Variants in TAF1B observed in about 807,000 individuals in gnomAD.
TAF1B encodes TATA box-binding protein-associated factor RNA polymerase I subunit B.
Under a neutral mutation model 83.9 loss-of-function variants are expected in TAF1B, and 61 were observed. The ratio of observed to expected loss-of-function variants is 0.73; its 90% CI spans 0.59 to 0.90. The LOEUF (loss-of-function observed/expected upper bound fraction) is 0.90, where lower values mean the gene tolerates loss of function less well. Among genes scored for constraint, TAF1B ranks in the 40% least tolerant of loss-of-function variants. The probability of loss-of-function intolerance (pLI) is 0.00; values close to 1 mark genes in which losing one functional copy is unlikely to be tolerated. For synonymous variants in TAF1B, 221 were observed against 224.6 expected, an observed-to-expected ratio of 0.98 and a Z score of 0.14; for missense variants, 625 against 677.0, an observed-to-expected ratio of 0.92 and a Z score of 0.85.
chr2:9,867,917 A>G (rs1486484905), intron 5 of TAF1B, among the ~76,000 whole-genome samples: 5 of 152,044 alleles, frequency 3.3e-5, no homozygotes, highest in African/African-American at 1.2e-4. Context: ...TACAAAGCAA[A>G]AATTCCCCAG....
chr2:9,911,478 T>C, intron 10 of TAF1B, 33 bp from the exon 11 acceptor site: 1 of 1,464,026 alleles, frequency 6.8e-7, no homozygotes, highest in East Asian at 2.4e-5. Flanking sequence ...ACATGACTTC[T>C]AAATAAATTG....
At position 9,866,950 on chromosome 2, in the gene TAF1B, G is replaced by A. The variant is rs149606124; in HGVS notation, c.400-1326G>A. 6.7e-3 allele frequency among the ~76,000 whole-genome samples: 1,015 copies of A among 152,168 alleles called. 18 individuals are homozygous for A. Among genetic ancestry groups the A allele is most frequent in the African/African-American group, 0.023 (935 of 41,498 alleles). On this transcript the variant is annotated intron_variant, in intron 5 of 14. Transcript: ENST00000263663. ...GGGGACTGTTGTGGGGTGGGTGGAG[G>A]GGGGAGGGATAGCATTAGGAGATAT...
intron 8 of TAF1B, among the ~76,000 whole-genome samples, chr2:9,884,713 C>T (rs977321271): frequency 1.3e-5 from 2 of 152,156 alleles, no homozygotes; most frequent in East Asian, 1.9e-4. Context: ...GTCTTCCCAG[C>T]TCTCAGCAGA....
At chr2:9,848,586 A>C (rs1213295873) in intron 2 of TAF1B, among the ~76,000 whole-genome samples, 2 of 152,094 alleles carry the variant, frequency 1.3e-5, no homozygotes, top group Non-Finnish European at 2.9e-5. Flanking sequence ...GAATTGCTTG[A>C]ACCTGGGAGG....
In TAF1B at chr2:9,857,983, T is replaced by C. The variant is rs1386019575; in HGVS notation, c.399+3562T>C. ...CCCCCTGCCAAATCTCATGTCCTTC[T>C]CACATTGCAAAATCAATCATGCCTT... On this transcript the variant is annotated intron_variant, in intron 5 of 14. Transcript: ENST00000263663. Among the ~76,000 whole-genome samples the C allele has an allele frequency of 2.6e-5, 4 of 152,092 alleles. No individual in the cohort carries two copies. The East Asian group carries it at 7.7e-4, about 29-fold the overall frequency.
intron 14 of TAF1B, among the ~76,000 whole-genome samples, chr2:9,920,579 C>CGGG (rs1004901534): frequency 5.2e-5 from 5 of 96,460 alleles, no homozygotes; most frequent in Non-Finnish European, 6.1e-5. Context: ...TAGACTGGGG[C>CGGG]GGGGGGCGGG....
Position 9,896,429 on chromosome 2 carries a change from TCCG to T in TAF1B, c.808-8428_808-8426del, listed in dbSNP as rs541905666. Among the ~76,000 whole-genome samples the T allele has an allele frequency of 3.3e-5, 5 of 152,290 alleles. No homozygotes were observed. In the East Asian group the frequency reaches 9.7e-4, roughly 29 times the overall value. On this transcript the variant is annotated intron_variant, in intron 8 of 14. Coordinates refer to ENST00000263663, the MANE Select transcript of TAF1B (RefSeq NM_005680.3). ...TCCCCCCTTCCATGCCTTAGCTTTCTCCGCTAAGTCTTGGCTTCTTCAGCAGCT... is the reference window on the plus strand; with the variant it reads ...TCCCCCCTTCCATGCCTTAGCTTTCTCTAAGTCTTGGCTTCTTCAGCAGCT...
At chr2:9,866,347 A>G (rs1663975580) in intron 5 of TAF1B, among the ~76,000 whole-genome samples, 1 of 152,218 alleles carries the variant, frequency 6.6e-6, no homozygotes, top group Non-Finnish European at 1.5e-5. Flanking sequence ...GCTCATCATC[A>G]CTGGCCATCA....
intron 5 of TAF1B, among the ~76,000 whole-genome samples, chr2:9,864,897 T>C (rs1204672684): frequency 2.0e-5 from 3 of 152,244 alleles, no homozygotes; most frequent in Non-Finnish European, 4.4e-5. Flanking sequence ...CAACGCTTCA[T>C]GTTAAAAACT....
Position 9,876,029 on chromosome 2 carries a change from C to T in TAF1B, c.707+11C>T. ...TTCAGATCTTTTGAGGTTAGCTAGA[C>T]CTCTTGTATGATAATATTTTTGCTG... is the stretch of plus-strand genomic sequence containing the variant. On this transcript the variant is annotated intron_variant, in intron 7 of 14. Coordinates refer to ENST00000263663, the MANE Select transcript of TAF1B (RefSeq NM_005680.3). The T allele has an allele frequency of 1.9e-6, 3 of 1,585,848 alleles. No homozygotes were observed. The highest frequency in any genetic ancestry group is 1.7e-6 in the Non-Finnish European group (2 of 1,159,652).
chr2:9,868,736 T>G, intron 6 of TAF1B: 1 of 531,860 alleles, frequency 1.9e-6, no homozygotes, highest in Admixed American at 2.3e-5. Context: ...GCTCAGCGTC[T>G]TCAAAGAAAA....
chr2:9,909,320 C>CAG (rs1175494145), intron 9 of TAF1B, among the ~76,000 whole-genome samples: 4 of 152,200 alleles, frequency 2.6e-5, no homozygotes, highest in Admixed American at 6.5e-5. Context: ...CTTTAGCACT[C>CAG]AGAAGAGGGC....
chr2:9,867,010 A>C (rs541026538), intron 5 of TAF1B, among the ~76,000 whole-genome samples: 1 of 152,316 alleles, frequency 6.6e-6, no homozygotes, highest in Non-Finnish European at 1.5e-5. Flanking sequence ...TGGGTGCAGC[A>C]CACCAACATG....
At chr2:9,908,978 G>A (rs979740737) in intron 9 of TAF1B, among the ~76,000 whole-genome samples, 1 of 152,176 alleles carries the variant, frequency 6.6e-6, no homozygotes, top group Non-Finnish European at 1.5e-5. Flanking sequence ...AAGAATAAAA[G>A]CCAAGTGAAA....
chr2:9,869,915 A>G (rs983955106), intron 6 of TAF1B, among the ~76,000 whole-genome samples: 3 of 152,162 alleles, frequency 2.0e-5, no homozygotes, highest in Non-Finnish European at 4.4e-5. Context: ...ATATAAAACT[A>G]TAAAATGCAG....
At position 9,857,395 on chromosome 2, in the gene TAF1B, C is replaced by T. The variant is rs142141658; in HGVS notation, c.399+2974C>T. 5.1e-4 allele frequency among the ~76,000 whole-genome samples: 78 copies of T among 152,106 alleles called. 1 individual carries two copies. The highest frequency in any genetic ancestry group is 6.8e-3 in the Middle Eastern group (2 of 294). On this transcript the variant is annotated intron_variant, in intron 5 of 14. Transcript: ENST00000263663. ...AGATAGAGCCAACAGAACTTCCTGA[C>T]GGATTGGATGTGAGAGAAAGAGAGG...
chr2:9,864,220 A>G (rs1465395141), intron 5 of TAF1B, among the ~76,000 whole-genome samples: 1 of 152,042 alleles, frequency 6.6e-6, no homozygotes, highest in East Asian at 1.9e-4. Context: ...TAAAGAAGAA[A>G]AGAGAGAAGA....
At chr2:9,873,891 G>A (rs771938290) in intron 6 of TAF1B, among the ~76,000 whole-genome samples, 6 of 151,790 alleles carry the variant, frequency 4.0e-5, no homozygotes, top group East Asian at 1.9e-4. Flanking sequence ...CTGCCCTCCC[G>A]TAACTCCATT....
chr2:9,888,066 G>C (rs1009910878), intron 8 of TAF1B, among the ~76,000 whole-genome samples: 3 of 151,916 alleles, frequency 2.0e-5, no homozygotes, highest in African/African-American at 7.3e-5. Context: ...GTGATGCCCA[G>C]GCTTAATTAA....
Sources: gnomAD v4.1 joint callset for allele counts (sites outside exome capture counted in the v4.1 genomes callset) on GRCh38, gnomAD v4.1.1 for gene constraint, MANE v1.5 for transcripts, NCBI Gene and HGNC (gene_info 2026-07-23, HGNC 2026-07-21) for gene names.